Variants in KIAA1217 observed in about 807,000 individuals in gnomAD.
The protein encoded by KIAA1217 is sickle tail protein homolog.
Under a neutral mutation model 163.9 loss-of-function variants are expected in KIAA1217, and 88 were observed. That is an observed-to-expected ratio of 0.54 (90% CI 0.45 to 0.64). The LOEUF (loss-of-function observed/expected upper bound fraction) is 0.64, where lower values mean the gene tolerates loss of function less well. Ranked by LOEUF, KIAA1217 falls within the 30% of genes least tolerant of loss-of-function variation. The probability of loss-of-function intolerance (pLI) is 0.00; values close to 1 mark genes in which losing one functional copy is unlikely to be tolerated. For synonymous variants in KIAA1217, 903 were observed against 923.1 expected (o/e 0.98, Z 0.39); for missense variants, 2,372 against 2,475.0 (o/e 0.96, Z 0.88).
Position 24,380,004 on chromosome 10 carries a change from A to G in KIAA1217, c.355-865A>G, listed in dbSNP as rs531084625. ...GAGGCAGAGGTTGAAGTGAGCCAAG[A>G]TGGCACCACTGCACTCCAGTCTGAG... is the stretch of plus-strand genomic sequence containing the variant. On this transcript the variant is annotated intron_variant, in intron 2 of 20. Transcript: ENST00000376454. Among the ~76,000 whole-genome samples, 124 of 152,298 alleles carry G rather than the reference A, an allele frequency of 8.1e-4. 1 individual carries two copies. Among genetic ancestry groups the G allele is most frequent in the Middle Eastern group, 6.8e-3 (2 of 294 alleles).
intron 2 of KIAA1217, among the ~76,000 whole-genome samples, chr10:24,331,128 A>T (rs549333792): frequency 5.8e-4 from 88 of 152,028 alleles, no homozygotes; most frequent in African/African-American, 2.0e-3. Flanking sequence ...TTTTTTGTAG[A>T]GACAGGGTCT....
chr10:24,379,651 GGTACTGCTAGA>G (rs1564573413), intron 2 of KIAA1217, among the ~76,000 whole-genome samples: 1 of 152,076 alleles, frequency 6.6e-6, no homozygotes, highest in African/African-American at 2.4e-5. Flanking sequence ...ATTCTCAAAG[GGTACTGCTAGA>G]GTATCAGGCA....
intron 1 of KIAA1217, among the ~76,000 whole-genome samples, chr10:23,769,324 G>T (rs992991761): frequency 6.6e-6 from 1 of 152,138 alleles, no homozygotes; most frequent in African/African-American, 2.4e-5. Flanking sequence ...TCCATTATGT[G>T]CAGGGTATGC....
chr10:24,098,197 C>T (rs1377703392), intron 2 of KIAA1217, among the ~76,000 whole-genome samples: 1 of 151,886 alleles, frequency 6.6e-6, no homozygotes, highest in Non-Finnish European at 1.5e-5. Context: ...CTGCAAGGGC[C>T]CTAGGAGGTG....
chr10:24,376,636 C>T (rs929888944), intron 2 of KIAA1217, among the ~76,000 whole-genome samples: 4 of 152,162 alleles, frequency 2.6e-5, no homozygotes, highest in Admixed American at 2.0e-4. Flanking sequence ...ATGGTACACA[C>T]CTGTAGTCCC....
At chr10:24,359,936 A>G (rs1412943552) in intron 2 of KIAA1217, among the ~76,000 whole-genome samples, 1 of 151,968 alleles carries the variant, frequency 6.6e-6, no homozygotes, top group Non-Finnish European at 1.5e-5. Context: ...TTATATTACA[A>G]TTAGATTTCT....
At chr10:23,856,480 G>A (rs1839671487) in intron 1 of KIAA1217, among the ~76,000 whole-genome samples, 1 of 152,252 alleles carries the variant, frequency 6.6e-6, no homozygotes, top group Non-Finnish European at 1.5e-5. Flanking sequence ...CCCACTTGAG[G>A]AGGCAGTCTG....
At chr10:24,370,264 C>CAAAAAAAAA (rs5783891) in intron 2 of KIAA1217, among the ~76,000 whole-genome samples, 55 of 73,406 alleles carry the variant, frequency 7.5e-4, no homozygotes, top group East Asian at 2.4e-3. Context: ...GACTCTGTCT[C>CAAAAAAAAA]AAAAAAAAAA....
At chr10:24,171,930 T>C (rs966369919) in intron 2 of KIAA1217, among the ~76,000 whole-genome samples, 8 of 150,450 alleles carry the variant, frequency 5.3e-5, no homozygotes, top group Non-Finnish European at 1.2e-4. Context: ...TAGGGAGGAG[T>C]TTACACACAT....
intron 2 of KIAA1217, among the ~76,000 whole-genome samples, chr10:24,301,732 T>C (rs2041363965): frequency 6.6e-6 from 1 of 152,190 alleles, no homozygotes; most frequent in Non-Finnish European, 1.5e-5. Context: ...AATCTTTTCT[T>C]GTAAGTAGAC....
intron 3 of KIAA1217, among the ~76,000 whole-genome samples, chr10:24,417,216 C>G (rs1378333741): frequency 1.3e-5 from 2 of 152,090 alleles, no homozygotes; most frequent in East Asian, 1.9e-4. Flanking sequence ...TGAGCCTCCC[C>G]CTCAGATACC....
chr10:23,927,848 C>A lies in KIAA1217; in HGVS notation c.-320-79377C>A, dbSNP rs11013792. 5.5e-4 allele frequency among the ~76,000 whole-genome samples: 83 copies of A among 152,180 alleles called. 2 individuals are homozygous for A. The East Asian group carries it at 0.016, about 29-fold the overall frequency. On this transcript the variant is annotated intron_variant, in intron 1 of 18. Transcript: ENST00000376462. ...ACTTCTGAAACTAGTGCGCGATAAA[C>A]CAAATGTCACATTGAACATAAGACT... is the stretch of plus-strand genomic sequence containing the variant.
intron 1 of KIAA1217, among the ~76,000 whole-genome samples, chr10:23,815,123 A>G (rs1837254793): frequency 6.6e-6 from 1 of 152,166 alleles, no homozygotes; most frequent in Non-Finnish European, 1.5e-5. Flanking sequence ...CATTATTATT[A>G]TTATTATCTT....
chr10:23,790,704 CAT>C (rs140845530), intron 1 of KIAA1217, among the ~76,000 whole-genome samples: 125 of 125,372 alleles, frequency 1.0e-3, no homozygotes, highest in East Asian at 4.5e-3. Context: ...TATACACACA[CAT>C]ATATATATGT....
At chr10:24,533,046 A>G (rs1197952857) in intron 15 of KIAA1217, 24 bp from the exon 16 acceptor site, 1 of 1,592,580 alleles carries the variant, frequency 6.3e-7, no homozygotes, top group South Asian at 1.1e-5. Context: ...TTAAACCACT[A>G]TCTGTTGTTT....
At chr10:23,866,719 C>T (rs576396996) in intron 1 of KIAA1217, among the ~76,000 whole-genome samples, 3 of 152,094 alleles carry the variant, frequency 2.0e-5, no homozygotes, top group Admixed American at 6.6e-5. Flanking sequence ...AGCACTGTTT[C>T]GAGACCTTTG....
At chr10:23,744,604 C>T (rs1249529316) in intron 1 of KIAA1217, among the ~76,000 whole-genome samples, 2 of 152,124 alleles carry the variant, frequency 1.3e-5, no homozygotes, top group African/African-American at 2.4e-5. Flanking sequence ...GTGGAAAAGG[C>T]ATGATGGAAA....
At chr10:23,892,881 A>G (rs977736026) in intron 1 of KIAA1217, among the ~76,000 whole-genome samples, 1 of 151,880 alleles carries the variant, frequency 6.6e-6, no homozygotes, top group Non-Finnish European at 1.5e-5. Context: ...TGGGGTCCCC[A>G]TTCTTCCTGG....
chr10:24,212,517 G>A (rs1411717973), intron 1 of KIAA1217, among the ~76,000 whole-genome samples: 2 of 152,194 alleles, frequency 1.3e-5, no homozygotes, highest in Non-Finnish European at 2.9e-5. Context: ...GCATCTAGAG[G>A]TCAGGGAGAT....
Sources: allele counts gnomAD v4.1 joint callset (sites outside exome capture counted in the v4.1 genomes callset), GRCh38; gene constraint gnomAD v4.1.1; transcripts MANE v1.5; gene names NCBI Gene and HGNC (gene_info 2026-07-23, HGNC 2026-07-21).